Variants in PPARD observed in about 807,000 individuals in gnomAD.
PPARD encodes the protein peroxisome proliferator-activated receptor delta.
In PPARD, 6 loss-of-function variants were observed where a neutral mutation model predicts 39.5. The ratio of observed to expected loss-of-function variants is 0.15; its 90% CI spans 0.08 to 0.30. PPARD has a LOEUF of 0.30. PPARD is among the 10% of genes least tolerant of loss of function. The pLI, the probability that PPARD is intolerant of heterozygous loss-of-function variation, is 1.00. For synonymous variants in PPARD, 210 were observed against 231.3 expected, an observed-to-expected ratio of 0.91 and a Z score of 0.83; for missense variants, 397 against 596.8, an observed-to-expected ratio of 0.67 and a Z score of 3.49.
rs1028165922 is a variant in PPARD at position 35,366,327 on chromosome 6, A to G, written c.-102+19177A>G. ...ACAGATGGAGCCATGATTGTGGACA[A>G]TCTTACATACTTAGCTGAGAGGTTG... On this transcript the variant is annotated intron_variant, in intron 2 of 7. Coordinates refer to ENST00000360694, the MANE Select transcript of PPARD (RefSeq NM_006238.5). The surrounding 1 kb of genome is among the most constrained non-coding windows in gnomAD (Gnocchi z 4.6). 1.3e-5 allele frequency among the ~76,000 whole-genome samples: 2 copies of G among 151,718 alleles called. No homozygotes were observed. The highest frequency in any genetic ancestry group is 2.1e-4 in the South Asian group (1 of 4,834).
intron 2 of PPARD, among the ~76,000 whole-genome samples, chr6:35,356,031 C>T (rs1245978442): frequency 2.0e-5 from 3 of 152,052 alleles, no homozygotes; most frequent in Non-Finnish European, 4.4e-5. Flanking sequence ...GTCACCTCAG[C>T]AGCTCTCCTG....
At chr6:35,383,118 G>A (rs929916492) in intron 2 of PPARD, among the ~76,000 whole-genome samples, 22 of 152,248 alleles carry the variant, frequency 1.4e-4, no homozygotes, top group African/African-American at 5.3e-4. Flanking sequence ...AGTGGGCAGG[G>A]CTTGAACCTG....
chr6:35,361,720 G>A (rs113852287), intron 2 of PPARD, among the ~76,000 whole-genome samples: 2,060 of 152,236 alleles, frequency 0.014, 60 homozygotes, highest in African/African-American at 0.046. Context: ...GCCTAAGGAT[G>A]CCTGTAACCA....
At chr6:35,348,216 A>G (rs1761004029) in intron 2 of PPARD, 1 of 480,598 alleles carries the variant, frequency 2.1e-6, no homozygotes, top group South Asian at 8.8e-5. Context: ...CCGGGAACAA[A>G]TATTTTTAAG....
At chr6:35,348,624 C>T (rs1761031542) in intron 2 of PPARD, 3 of 985,432 alleles carry the variant, frequency 3.0e-6, no homozygotes, top group South Asian at 4.7e-5. Context: ...TTCCCCTTCT[C>T]TGCCTTTAAC....
At chr6:35,364,008 T>A (rs2150505881) in intron 2 of PPARD, among the ~76,000 whole-genome samples, 1 of 151,938 alleles carries the variant, frequency 6.6e-6, no homozygotes, top group Admixed American at 6.6e-5. Context: ...AACTGTGTTC[T>A]ATTAACCACT....
At chr6:35,416,513 C>T (rs1277368416) in intron 3 of PPARD, among the ~76,000 whole-genome samples, 3 of 151,306 alleles carry the variant, frequency 2.0e-5, no homozygotes, top group Admixed American at 2.0e-4. Flanking sequence ...ACTAACACTT[C>T]TGAGCCTTGG....
At position 35,426,113 on chromosome 6, in the gene PPARD, G is replaced by T; in HGVS notation, c.*34G>T. ...CCCAGGCCTCCCTGCAGACTCCAATGGGGCCAGCACTGGAGGGGCCCACCC... is the reference window on the plus strand; with the variant it reads ...CCCAGGCCTCCCTGCAGACTCCAATTGGGCCAGCACTGGAGGGGCCCACCC... On this transcript the variant is annotated 3_prime_UTR_variant, in exon 8 of 8. Coordinates refer to ENST00000360694, the MANE Select transcript of PPARD (RefSeq NM_006238.5). The T allele has an allele frequency of 6.3e-7, 1 of 1,599,804 alleles. No individual in the cohort carries two copies.
intron 2 of PPARD, among the ~76,000 whole-genome samples, chr6:35,349,976 A>C (rs1761139707): frequency 6.6e-6 from 1 of 152,090 alleles, no homozygotes; most frequent in Non-Finnish European, 1.5e-5. Context: ...TCCTGACCTC[A>C]AGTGATCTGC....
At chr6:35,351,915 G>C (rs1279925071) in intron 2 of PPARD, among the ~76,000 whole-genome samples, 6 of 129,616 alleles carry the variant, frequency 4.6e-5, no homozygotes, top group Non-Finnish European at 4.6e-5. Context: ...GCCCAGGCTT[G>C]AGTGCGGTGG....
intron 2 of PPARD, chr6:35,348,535 C>G: frequency 1.0e-6 from 1 of 985,356 alleles, no homozygotes; most frequent in African/African-American, 1.7e-5. Flanking sequence ...TGCTGGGGGC[C>G]GGGGAAACGT....
rs557610264 is a variant in PPARD at position 35,357,554 on chromosome 6, T to C, written c.-102+10404T>C. ...CACTGCCTACTTTTTTTTTTTTTTT[T>C]TTAAGACAGTCTCACTCTGTGCCCC... On this transcript the variant is annotated intron_variant, in intron 2 of 7. Transcript: ENST00000360694. Among the ~76,000 whole-genome samples the C allele has an allele frequency of 2.6e-5, 4 of 152,058 alleles. No individual in the cohort carries two copies. The East Asian group carries it at 7.7e-4, about 29-fold the overall frequency.
Position 35,358,341 on chromosome 6 carries a change from G to A in PPARD, c.-102+11191G>A, listed in dbSNP as rs973901769. Among the ~76,000 whole-genome samples the A allele has an allele frequency of 7.2e-5, 11 of 152,336 alleles. No individual in the cohort carries two copies. In the East Asian group the frequency reaches 1.9e-3, roughly 27 times the overall value. ...GAACCTCTGGAGGAAGTGTGGCCCTGCCAACACACTGATTTTAGCCCAGTG... is the reference window on the plus strand; with the variant it reads ...GAACCTCTGGAGGAAGTGTGGCCCTACCAACACACTGATTTTAGCCCAGTG... On this transcript the variant is annotated intron_variant, in intron 2 of 7. Coordinates refer to ENST00000360694, the MANE Select transcript of PPARD (RefSeq NM_006238.5).
At chr6:35,417,482 G>A (rs1414586816) in intron 3 of PPARD, among the ~76,000 whole-genome samples, 3 of 151,802 alleles carry the variant, frequency 2.0e-5, no homozygotes, top group African/African-American at 7.3e-5. Context: ...ATAGAGACAG[G>A]GTCTCACTAT....
At chr6:35,396,029 A>G (rs753614126) in intron 2 of PPARD, among the ~76,000 whole-genome samples, 19 of 152,110 alleles carry the variant, frequency 1.2e-4, no homozygotes, top group Non-Finnish European at 2.2e-4. Flanking sequence ...GGTCTTCTGC[A>G]TGCATTTGGT....
At chr6:35,343,851 C>T (rs1792011047) in intron 1 of PPARD, among the ~76,000 whole-genome samples, 1 of 152,194 alleles carries the variant, frequency 6.6e-6, no homozygotes, top group African/African-American at 2.4e-5. Context: ...CATGATACCC[C>T]AGCCTCTCTC....
chr6:35,415,778 C>CTATGTGTGTGTGTGTGTGTGTGTG (rs1554212569), intron 3 of PPARD, among the ~76,000 whole-genome samples: 3 of 143,856 alleles, frequency 2.1e-5, no homozygotes, highest in African/African-American at 8.3e-5. Context: ...GAAGGAGAAC[C>CTATGTGTGTGTGTGTGTGTGTGTG]TGTGTGTGTG....
At chr6:35,346,377 G>T (rs1049780290) in intron 1 of PPARD, among the ~76,000 whole-genome samples, 7 of 152,216 alleles carry the variant, frequency 4.6e-5, no homozygotes, top group Admixed American at 1.3e-4. Flanking sequence ...CCAGGTCTCT[G>T]TGGGCTTTGT....
chr6:35,362,098 T>C (rs1202768115), intron 2 of PPARD, among the ~76,000 whole-genome samples: 2 of 152,210 alleles, frequency 1.3e-5, no homozygotes, highest in South Asian at 2.1e-4. Flanking sequence ...CTTTGATATA[T>C]GATTTTTTTT....
Sources: gnomAD v4.1 joint callset for allele counts (sites outside exome capture counted in the v4.1 genomes callset) on GRCh38, gnomAD v4.1.1 for gene constraint, Gnocchi (gnomAD v3.1) non-coding constraint, MANE v1.5 for transcripts, NCBI Gene and HGNC (gene_info 2026-07-23, HGNC 2026-07-21) for gene names.